CRYBG3: variants seen among roughly 807,000 people sequenced by gnomAD.
The protein encoded by CRYBG3 is very large A-kinase anchor protein.
CRYBG3 carries 127 observed loss-of-function variants against 244.2 expected under a neutral mutation model. That is an observed-to-expected ratio of 0.52 (90% CI 0.45 to 0.60). The LOEUF is 0.60. Among genes scored for constraint, CRYBG3 ranks in the 20% least tolerant of loss-of-function variants. The pLI is 0.00. For synonymous variants in CRYBG3, 1,132 were observed against 1,195.8 expected (o/e 0.95, Z 1.10); for missense variants, 3,325 against 3,442.5 (o/e 0.97, Z 0.85).
chr3:97,911,946 A>C (rs1157127750), intron 15 of CRYBG3, among the ~76,000 whole-genome samples: 1 of 152,210 alleles, frequency 6.6e-6, no homozygotes, highest in Non-Finnish European at 1.5e-5. Context: ...GAGGCAAGAA[A>C]ATGGTAAACA....
chr3:97,912,564 A>G (rs1481077207), intron 16 of CRYBG3, among the ~76,000 whole-genome samples: 1 of 152,220 alleles, frequency 6.6e-6, no homozygotes, highest in Non-Finnish European at 1.5e-5. Context: ...TTGTATATTT[A>G]CCGTCTCACA....
Position 97,873,385 on chromosome 3 carries a change from G to T in CRYBG3, c.2191G>T (p.Glu731Ter). ...FCLEYTSAIF[E>*]FKEVLSNSEK... ...CCTTGAATATACATCTGCAATTTTTGAATTCAAAGAAGTTCTTTCTAATAG... is the reference window on the plus strand; with the variant it reads ...CCTTGAATATACATCTGCAATTTTTTAATTCAAAGAAGTTCTTTCTAATAG... The change falls in exon 4 of 22, where the codon GAA becomes TAA. Residue 731 changes from glutamate (E) to a stop codon, truncating the protein, a stop_gained. Coordinates refer to ENST00000389622, the MANE Select transcript of CRYBG3 (RefSeq NM_153605.4). LOFTEE classifies it high-confidence loss of function. 6.5e-7 allele frequency: 1 copy of T among 1,535,692 alleles called. No individual in the cohort carries two copies. Among genetic ancestry groups the T allele is most frequent in the South Asian group, 1.2e-5 (1 of 83,964 alleles).
At chr3:97,879,880 G>A (rs935606418) in intron 5 of CRYBG3, 105 bp from the exon 6 acceptor site, 2 of 897,752 alleles carry the variant, frequency 2.2e-6, no homozygotes, top group African/African-American at 3.4e-5. Context: ...ATTTGCTTTT[G>A]TATATTTAGG....
At chr3:97,879,819 A>G (rs949731660) in intron 5 of CRYBG3, 71 bp downstream of exon 5, 17 of 1,123,752 alleles carry the variant, frequency 1.5e-5, no homozygotes, top group Non-Finnish European at 2.2e-5. Context: ...GGAATTTAAT[A>G]TAAGTGACTT....
intron 2 of CRYBG3, among the ~76,000 whole-genome samples, chr3:97,851,291 A>T (rs191294745): frequency 6.6e-6 from 1 of 152,218 alleles, no homozygotes; most frequent in Non-Finnish European, 1.5e-5. Flanking sequence ...CGGCAGCCAG[A>T]TGTCTTAGTA....
intron 15 of CRYBG3, among the ~76,000 whole-genome samples, chr3:97,909,248 G>A (rs1174044670): frequency 2.0e-5 from 3 of 146,938 alleles, no homozygotes; most frequent in Non-Finnish European, 4.5e-5. Flanking sequence ...TTCTCAAGGA[G>A]TATCTTTGTG....
chr3:97,842,371 T>G (rs978604748), intron 1 of CRYBG3, among the ~76,000 whole-genome samples: 1 of 152,098 alleles, frequency 6.6e-6, no homozygotes, highest in African/African-American at 2.4e-5. Context: ...AAGACCAGCC[T>G]GGGCAACATA....
chr3:97,921,224 T>C (rs924052695), intron 17 of CRYBG3, among the ~76,000 whole-genome samples: 1 of 152,162 alleles, frequency 6.6e-6, no homozygotes, highest in Non-Finnish European at 1.5e-5. Flanking sequence ...AAGCCTTCAG[T>C]GATCCTCATT....
Position 97,873,372 on chromosome 3 carries a change from A to G in CRYBG3, c.2178A>G (p.Thr726=), listed in dbSNP as rs962120529. ...SPPPSFCLEY[T]SAIFEFKEVL... ...CTCCTTCCTTTTGCCTTGAATATACATCTGCAATTTTTGAATTCAAAGAAG... is the reference window on the plus strand; with the variant it reads ...CTCCTTCCTTTTGCCTTGAATATACGTCTGCAATTTTTGAATTCAAAGAAG... The change falls in exon 4 of 22, where the codon ACA becomes ACG. Residue 726 remains threonine (T), a synonymous_variant. Coordinates refer to ENST00000389622, the MANE Select transcript of CRYBG3 (RefSeq NM_153605.4). 3 of 1,535,768 alleles carry G rather than the reference A, an allele frequency of 2.0e-6. No homozygotes were observed. Among genetic ancestry groups the G allele is most frequent in the African/African-American group, 2.7e-5 (2 of 73,036 alleles).
At chr3:97,905,669 G>T (rs2039764539) in intron 15 of CRYBG3, among the ~76,000 whole-genome samples, 1 of 148,564 alleles carries the variant, frequency 6.7e-6, no homozygotes, top group African/African-American at 2.5e-5. Flanking sequence ...AGTAGGTTGT[G>T]AAAATTTTCT....
At position 97,877,042 on chromosome 3, in the gene CRYBG3, C is replaced by T; in HGVS notation, c.5848C>T (p.Pro1950Ser). The change falls in exon 4 of 22, where the codon CCA becomes TCA. Residue 1950 changes from proline to serine, a missense_variant. Around this residue, in one of 4 missense-constraint regions of CRYBG3, gnomAD observed 450 missense variants for 424.1 expected, o/e 1.06. Transcript: ENST00000389622. ...TGAGGGCTACCCAGCCCCAGCAATGCCAGATTTTCAACCTGGGGATACCAC... is the reference window on the plus strand; with the variant it reads ...TGAGGGCTACCCAGCCCCAGCAATGTCAGATTTTCAACCTGGGGATACCAC... ...DYEGYPAPAM[P>S]DFQPGDTTVR... is the part of the protein sequence containing the mutation. 1.3e-6 allele frequency: 2 copies of T among 1,586,936 alleles called. No homozygotes were observed. The highest frequency in any genetic ancestry group is 1.7e-6 in the Non-Finnish European group (2 of 1,166,482).
At position 97,872,486 on chromosome 3, in the gene CRYBG3, G is replaced by A. The variant is rs971937884; in HGVS notation, c.1292G>A (p.Gly431Asp). The A allele has an allele frequency of 6.5e-7, 1 of 1,536,012 alleles. No homozygotes were observed. The highest frequency in any genetic ancestry group is 1.4e-5 in the African/African-American group (1 of 73,148). ...AGAGAGGAGCTTGTTGAGCCTCAGG[G>A]CCCTGCTATTTCTGATTTCTCTTGT... ...VQREELVEPQ[G>D]PAISDFSCSK... Residue 431 changes from glycine (G) to aspartate (D), a missense_variant, in exon 4 of 22, where the codon GGC (glycine) becomes GAC (aspartate). Physicochemically the swap from Gly to Asp is moderately conservative, Grantham distance 94. This residue lies in a region of CRYBG3 where 1,526 missense variants were observed against 1,443.2 expected (regional missense o/e 1.06). Coordinates refer to ENST00000389622, the MANE Select transcript of CRYBG3 (RefSeq NM_153605.4).
chr3:97,838,410 G>A (rs2038765513), intron 1 of CRYBG3, among the ~76,000 whole-genome samples: 1 of 152,084 alleles, frequency 6.6e-6, no homozygotes, highest in Non-Finnish European at 1.5e-5. Context: ...TATCAAGAAT[G>A]GGGTCAGAGG....
chr3:97,919,715 A>T (rs962819298), intron 17 of CRYBG3, among the ~76,000 whole-genome samples: 46 of 66,740 alleles, frequency 6.9e-4, no homozygotes, highest in African/African-American at 2.1e-3. Context: ...TAAAATGATT[A>T]AAAAAAAAAA....
At chr3:97,843,149 T>A in intron 1 of CRYBG3, 46 bp from the exon 2 acceptor site, 1 of 1,280,814 alleles carries the variant, frequency 7.8e-7, no homozygotes, top group Non-Finnish European at 1.1e-6. Context: ...TTTAGTTTCG[T>A]AATTTTCTTT....
chr3:97,856,390 G>C (rs528580214), intron 2 of CRYBG3, among the ~76,000 whole-genome samples: 1 of 152,114 alleles, frequency 6.6e-6, no homozygotes, highest in South Asian at 2.1e-4. Context: ...TGAGGATGGC[G>C]ACATACATCC....
At chr3:97,870,402 T>G (rs2039287893) in intron 3 of CRYBG3, among the ~76,000 whole-genome samples, 1 of 152,216 alleles carries the variant, frequency 6.6e-6, no homozygotes, top group Non-Finnish European at 1.5e-5. Context: ...GTATTTGGTT[T>G]TCCTGTGTTA....
chr3:97,887,237 C>T (rs1040284039), intron 8 of CRYBG3, among the ~76,000 whole-genome samples: 1 of 152,138 alleles, frequency 6.6e-6, no homozygotes, highest in Non-Finnish European at 1.5e-5. Context: ...GGATTTGATA[C>T]TAGGCCTCTC....
intron 1 of CRYBG3, among the ~76,000 whole-genome samples, chr3:97,829,727 G>A (rs2038628886): frequency 6.6e-6 from 1 of 152,184 alleles, no homozygotes; most frequent in South Asian, 2.1e-4. Context: ...ACCAGTCTAG[G>A]TCCTGGGAAT....
Sources: allele counts gnomAD v4.1 joint callset (sites outside exome capture counted in the v4.1 genomes callset), GRCh38; gene constraint gnomAD v4.1.1; regional missense constraint gnomAD v4.1.1; transcripts MANE v1.5; gene names NCBI Gene and HGNC (gene_info 2026-07-23, HGNC 2026-07-21).